DPP6: variants seen among roughly 807,000 people sequenced by gnomAD.
DPP6 encodes A-type potassium channel modulatory protein DPP6.
DPP6 carries 69 observed loss-of-function variants against 122.6 expected under a neutral mutation model. The observed-to-expected ratio is 0.56, with a 90% CI of 0.46 to 0.69. The LOEUF is 0.69. Among genes scored for constraint, DPP6 ranks in the 30% least tolerant of loss-of-function variants. DPP6 has a pLI of 0.00. For missense variants in DPP6, 928 were observed against 1,116.9 expected (o/e 0.83, Z 2.41); for synonymous variants, 418 against 433.1 (o/e 0.97, Z 0.43).
chr7:154,775,382 A>G (rs62473866), intron 10 of DPP6, among the ~76,000 whole-genome samples: 32,764 of 151,966 alleles, frequency 0.22, 3,580 homozygotes, highest in South Asian at 0.28. Context: ...TTGTATGTGG[A>G]CAACTCTCCC....
chr7:154,476,832 C>T (rs570770100), intron 3 of DPP6, among the ~76,000 whole-genome samples: 2 of 152,302 alleles, frequency 1.3e-5, no homozygotes, highest in East Asian at 3.9e-4. Context: ...GTGGCTCACA[C>T]CTGTATTCCA....
intron 10 of DPP6, among the ~76,000 whole-genome samples, chr7:154,783,211 C>G (rs904315720): frequency 1.3e-5 from 2 of 152,182 alleles, no homozygotes; most frequent in Non-Finnish European, 2.9e-5. Flanking sequence ...ACAAAGGCCT[C>G]GCATCCCCAT....
chr7:154,732,872 G>A (rs931635711), intron 8 of DPP6, among the ~76,000 whole-genome samples: 1 of 152,176 alleles, frequency 6.6e-6, no homozygotes, highest in African/African-American at 2.4e-5. Flanking sequence ...TTCCCCTTGC[G>A]TGGTTCTAGG....
the DPP6 span, among the ~76,000 whole-genome samples, chr7:153,759,873 G>A: frequency 1.3e-5 from 2 of 151,838 alleles, no homozygotes; most frequent in African/African-American, 4.8e-5. Flanking sequence ...CACTATTTCT[G>A]CAAATATTTC....
intron 1 of DPP6, among the ~76,000 whole-genome samples, chr7:153,892,695 A>G (rs1799257861): frequency 6.6e-6 from 1 of 152,154 alleles, no homozygotes; most frequent in African/African-American, 2.4e-5. Context: ...GGTACTTGGT[A>G]TCAGATTGGT....
chr7:153,794,418 A>T, the DPP6 span, among the ~76,000 whole-genome samples: 1 of 152,272 alleles, frequency 6.6e-6, no homozygotes, highest in Admixed American at 6.5e-5. Flanking sequence ...GGGCCTTGTA[A>T]CCACTTTCTT....
intron 1 of DPP6, among the ~76,000 whole-genome samples, chr7:153,995,082 T>G (rs910668413): frequency 2.0e-5 from 3 of 152,192 alleles, no homozygotes; most frequent in African/African-American, 7.2e-5. Flanking sequence ...ACAAGAAATC[T>G]CAGAATGACT....
chr7:154,077,784 C>T (rs1375219304), intron 1 of DPP6, among the ~76,000 whole-genome samples: 1 of 151,772 alleles, frequency 6.6e-6, no homozygotes, highest in Admixed American at 6.6e-5. Context: ...AATTCTCCTG[C>T]CTCAGCCTCT....
chr7:154,060,443 G>C lies in DPP6; in HGVS notation c.243+7380G>C, dbSNP rs552506660. Among the ~76,000 whole-genome samples, 30 of 136,582 alleles carry C rather than the reference G, an allele frequency of 2.2e-4. 7 individuals are homozygous for C. The highest frequency in any genetic ancestry group is 8.5e-4 in the African/African-American group (29 of 34,302). The allele number at this position is 136,582 out of a possible 152,430, so 89.6% of individuals were successfully genotyped here. On this transcript the variant is annotated intron_variant, in intron 1 of 25. Coordinates refer to ENST00000377770, the MANE Select transcript of DPP6 (RefSeq NM_130797.4). ...GCACCCCCCGCGAGGCGGGGACTGC[G>C]AGCCAGACCCTCTTCCCCCTCTGGC...
At chr7:154,142,071 A>G (rs1795874623) in intron 1 of DPP6, among the ~76,000 whole-genome samples, 1 of 152,216 alleles carries the variant, frequency 6.6e-6, no homozygotes, top group South Asian at 2.1e-4. Context: ...TACACTTTCT[A>G]TTTGTGCTTA....
the DPP6 span, among the ~76,000 whole-genome samples, chr7:153,794,296 C>A: frequency 6.6e-6 from 1 of 152,212 alleles, no homozygotes; most frequent in African/African-American, 2.4e-5. Flanking sequence ...CTGCCCAAGA[C>A]CATGGGAACC....
intron 1 of DPP6, among the ~76,000 whole-genome samples, chr7:154,238,426 C>T (rs951508107): frequency 6.6e-6 from 1 of 152,044 alleles, no homozygotes; most frequent in East Asian, 1.9e-4. Flanking sequence ...AAATCGAGGA[C>T]AATATGAGGT....
At chr7:154,163,065 G>A (rs1030832134) in intron 1 of DPP6, among the ~76,000 whole-genome samples, 18 of 152,220 alleles carry the variant, frequency 1.2e-4, no homozygotes, top group African/African-American at 4.3e-4. Context: ...ATCATTGCTA[G>A]TGTTGAGTGG....
rs1263278074 is a variant in DPP6, at chr7:154,251,257, A to G, written c.244-194957A>G. On this transcript the variant is annotated intron_variant, in intron 1 of 25. Coordinates refer to ENST00000377770, the MANE Select transcript of DPP6 (RefSeq NM_130797.4). ...ATGTTTCACGGGAGCTACTTATTTC[A>G]GAGGAAGAGCTACAGATGGTTTGGA... is the stretch of plus-strand genomic sequence containing the variant. Among the ~76,000 whole-genome samples, 7 of 152,210 alleles carry G rather than the reference A, an allele frequency of 4.6e-5. No individual in the cohort carries two copies. In the South Asian group the frequency reaches 1.0e-3, roughly 22 times the overall value.
the DPP6 span, among the ~76,000 whole-genome samples, chr7:153,865,386 C>A: frequency 6.6e-6 from 1 of 152,028 alleles, no homozygotes; most frequent in Non-Finnish European, 1.5e-5. Context: ...AATTGATAAC[C>A]TTCTTGGCAG....
At position 154,161,053 on chromosome 7, in the gene DPP6, C is replaced by G. The variant is rs563718821; in HGVS notation, c.243+107990C>G. On this transcript the variant is annotated intron_variant, in intron 1 of 25. Coordinates refer to ENST00000377770, the MANE Select transcript of DPP6 (RefSeq NM_130797.4). ...AGGAGGCTCCCACAAGTGCAGCTGT[C>G]CAGCACTGCACCACACCTTTCTCTT... is the stretch of plus-strand genomic sequence containing the variant. 5.3e-5 allele frequency among the ~76,000 whole-genome samples: 8 copies of G among 152,268 alleles called. No homozygotes were observed. The East Asian group carries it at 1.5e-3, about 29-fold the overall frequency.
intron 1 of DPP6, among the ~76,000 whole-genome samples, chr7:154,397,412 C>T (rs958690821): frequency 6.6e-6 from 1 of 152,010 alleles, no homozygotes; most frequent in African/African-American, 2.4e-5. Flanking sequence ...ATTGATAAAC[C>T]TCCTTTAGAA....
intron 5 of DPP6, among the ~76,000 whole-genome samples, chr7:154,601,458 T>A (rs1045331069): frequency 8.3e-6 from 1 of 121,186 alleles, no homozygotes; most frequent in Non-Finnish European, 1.9e-5. Context: ...TTATGAAATG[T>A]CCCTGGTAGT....
At chr7:154,506,188 G>C (rs1825647931) in intron 3 of DPP6, among the ~76,000 whole-genome samples, 2 of 151,652 alleles carry the variant, frequency 1.3e-5, no homozygotes, top group African/African-American at 4.8e-5. Context: ...TCTGCTATTT[G>C]GATGTAGCTC....
Sources: gnomAD v4.1 joint callset for allele counts (sites outside exome capture counted in the v4.1 genomes callset) on GRCh38, gnomAD v4.1.1 for gene constraint, MANE v1.5 for transcripts, NCBI Gene and HGNC (gene_info 2026-07-23, HGNC 2026-07-21) for gene names.